DMD: variants seen among roughly 807,000 people sequenced by gnomAD.
DMD encodes mutant dystrophin.
Under a neutral mutation model 330.1 loss-of-function variants are expected in DMD, and 63 were observed. That is an observed-to-expected ratio of 0.19 (90% CI 0.16 to 0.24). The LOEUF (loss-of-function observed/expected upper bound fraction) is 0.24, where lower values mean the gene tolerates loss of function less well. Ranked by LOEUF, DMD falls within the 10% of genes least tolerant of loss-of-function variation. The pLI, the probability that DMD is intolerant of heterozygous loss-of-function variation, is 1.00. For missense variants in DMD, 3,344 were observed against 2,684.1 expected, an observed-to-expected ratio of 1.25 and a Z score of -5.43; for synonymous variants, 1,223 against 959.8, an observed-to-expected ratio of 1.27 and a Z score of -5.07.
chrX:32,976,521 A>G (rs922707624), intron 2 of DMD, among the ~76,000 whole-genome samples: 36 of 111,999 alleles, frequency 3.2e-4, no homozygotes, highest in Non-Finnish European at 6.0e-4. Flanking sequence ...ATTTTCCAAG[A>G]ATGAAACTAT....
At chrX:32,038,251 T>G (rs891484384) in intron 44 of DMD, among the ~76,000 whole-genome samples, 1 of 111,883 alleles carries the variant, frequency 8.9e-6, no homozygotes, top group African/African-American at 3.3e-5. Flanking sequence ...TAAGCCATGA[T>G]GTTGGACTAG....
At chrX:32,920,653 C>A (rs1296212526) in intron 2 of DMD, among the ~76,000 whole-genome samples, 1 of 112,095 alleles carries the variant, frequency 8.9e-6, no homozygotes, top group Non-Finnish European at 1.9e-5. Flanking sequence ...TTCATTTATT[C>A]CTTCCGCACA....
chrX:31,835,240 T>A (rs2093169629), intron 49 of DMD, among the ~76,000 whole-genome samples: 1 of 112,481 alleles, frequency 8.9e-6, no homozygotes, highest in Non-Finnish European at 1.9e-5. Context: ...TCTCTAACAA[T>A]TAGTGACAAA....
At chrX:31,700,655 G>GTTTTATTTATA (rs2083747968) in intron 52 of DMD, among the ~76,000 whole-genome samples, 1 of 111,867 alleles carries the variant, frequency 8.9e-6, no homozygotes, top group African/African-American at 3.3e-5. Context: ...CAGTCATAAT[G>GTTTTATTTATA]AAACATGTAA....
chrX:32,817,221 T>C (rs1406220889), intron 5 of DMD, among the ~76,000 whole-genome samples: 1 of 111,227 alleles, frequency 9.0e-6, no homozygotes, highest in Non-Finnish European at 1.9e-5. Flanking sequence ...ACGCAAGCTA[T>C]ATTTATTGGC....
chrX:32,820,427 G>A (rs1416871056), intron 5 of DMD, among the ~76,000 whole-genome samples: 1 of 111,075 alleles, frequency 9.0e-6, no homozygotes, highest in African/African-American at 3.3e-5. Flanking sequence ...GGGTGACAGA[G>A]CGAGACTCTG....
At chrX:31,996,115 G>A (rs17270653) in intron 44 of DMD, among the ~76,000 whole-genome samples, 4,548 of 111,424 alleles carry the variant, frequency 0.041, 175 homozygotes, top group East Asian at 0.16. Context: ...AGCTGCGAAG[G>A]GACAACACAT....
At chrX:32,771,353 A>C (rs1180131250) in intron 7 of DMD, among the ~76,000 whole-genome samples, 1 of 111,793 alleles carries the variant, frequency 8.9e-6, no homozygotes, top group Admixed American at 9.5e-5. Context: ...TAAGTAAATG[A>C]AAGTTTGTCA....
intron 62 of DMD, among the ~76,000 whole-genome samples, chrX:31,294,562 A>T (rs779362395): frequency 1.7e-4 from 19 of 112,132 alleles, no homozygotes; most frequent in Non-Finnish European, 2.1e-4. Context: ...GGGTTGGATT[A>T]TCTTTGACAT....
At chrX:32,033,165 G>A (rs1258342628) in intron 44 of DMD, among the ~76,000 whole-genome samples, 1 of 111,496 alleles carries the variant, frequency 9.0e-6, no homozygotes, top group Non-Finnish European at 1.9e-5. Flanking sequence ...TTGAAATAAG[G>A]TATCTAAAAC....
intron 13 of DMD, among the ~76,000 whole-genome samples, chrX:32,591,652 G>A (rs1287285155): frequency 8.9e-6 from 1 of 112,422 alleles, no homozygotes; most frequent in African/African-American, 3.2e-5. Context: ...CAGCAAGGGA[G>A]GCGTGGCCAG....
intron 1 of DMD, among the ~76,000 whole-genome samples, chrX:33,267,518 A>G (rs759316308): frequency 3.1e-5 from 2 of 63,942 alleles, no homozygotes; most frequent in Admixed American, 3.0e-4. Flanking sequence ...TTCATATGCA[A>G]CCAAAAAAAA....
In DMD at chrX:32,595,797, C is replaced by A. The variant is rs1187482694; in HGVS notation, c.1562G>T (p.Ser521Ile). The A allele has an allele frequency of 8.3e-7, 1 of 1,209,236 alleles. No individual in the cohort carries two copies. Among genetic ancestry groups the A allele is most frequent in the East Asian group, 3.0e-5 (1 of 33,832 alleles). ...CAAAGCAGCAGTTGCGTGATCTCCA[C>A]TAGATTCATCAACTACCACCACCAT... ...THMVVVVDES[S>I]GDHATAALEE... The change falls in exon 13 of 79, where the codon AGT (serine) becomes ATT (isoleucine). Residue 521 changes from serine to isoleucine, a missense_variant. Ser to Ile is a moderately radical substitution (Grantham distance 142). Coordinates refer to ENST00000357033, the MANE Select transcript of DMD (RefSeq NM_004006.3).
At chrX:31,313,988 T>A (rs1266991241) in intron 62 of DMD, among the ~76,000 whole-genome samples, 2 of 110,627 alleles carry the variant, frequency 1.8e-5, no homozygotes, top group African/African-American at 6.6e-5. Flanking sequence ...TGCATGCCAC[T>A]ACATTCAGCT....
intron 17 of DMD, among the ~76,000 whole-genome samples, chrX:32,532,104 TA>T (rs1452715857): frequency 1.2e-4 from 13 of 111,653 alleles, no homozygotes; most frequent in African/African-American, 4.2e-4. Flanking sequence ...ATAATGTGGT[TA>T]AGACCATGGT....
intron 1 of DMD, among the ~76,000 whole-genome samples, chrX:33,306,974 ATTG>A (rs961399053): frequency 9.0e-6 from 1 of 111,697 alleles, no homozygotes; most frequent in Non-Finnish European, 1.9e-5. Flanking sequence ...AGCTCATTGG[ATTG>A]TTTTGAGGAG....
In DMD at chrX:32,806,457, T is replaced by C. The variant is rs745715155; in HGVS notation, c.649+3036A>G. ...GCACCCAGATTCATAAAGCAAGTTC[T>C]TAGAGACCTACATAGAGACAGACTC... On this transcript the variant is annotated intron_variant, in intron 7 of 78. Transcript: ENST00000357033. 8.1e-5 allele frequency among the ~76,000 whole-genome samples: 9 copies of C among 111,472 alleles called. No homozygotes were observed. In the East Asian group the frequency reaches 2.0e-3, roughly 24 times the overall value.
intron 4 of DMD, among the ~76,000 whole-genome samples, chrX:32,841,283 G>A (rs186837522): frequency 1.7e-4 from 19 of 111,338 alleles, no homozygotes; most frequent in Admixed American, 4.8e-4. Context: ...TACTCCATAT[G>A]TAAATGTGTC....
intron 51 of DMD, among the ~76,000 whole-genome samples, chrX:31,737,795 C>T (rs2086985275): frequency 8.9e-6 from 1 of 111,840 alleles, no homozygotes; most frequent in Admixed American, 9.5e-5. Context: ...GCAAAGACTT[C>T]ATATCAAGTA....
Sources: gnomAD v4.1 joint callset for allele counts (sites outside exome capture counted in the v4.1 genomes callset) on GRCh38, gnomAD v4.1.1 for gene constraint, MANE v1.5 for transcripts, NCBI Gene and HGNC (gene_info 2026-07-23, HGNC 2026-07-21) for gene names.